Variants in EYS observed in about 807,000 individuals in gnomAD.
The protein encoded by EYS is protein eyes shut homolog.
Under a neutral mutation model 282.1 loss-of-function variants are expected in EYS, and 250 were observed. The ratio of observed to expected loss-of-function variants is 0.89; its 90% CI spans 0.80 to 0.98. The LOEUF is 0.98. Among genes scored for constraint, EYS ranks in the 50% least tolerant of loss-of-function variants. The pLI, the probability that EYS is intolerant of heterozygous loss-of-function variation, is 0.00. For missense variants in EYS, 4,016 were observed against 3,709.0 expected (o/e 1.08, Z -2.15); for synonymous variants, 1,355 against 1,282.9 (o/e 1.06, Z -1.20).
intron 11 of EYS, among the ~76,000 whole-genome samples, chr6:65,328,034 T>A (rs1397650160): frequency 6.6e-6 from 1 of 151,440 alleles, no homozygotes; most frequent in Admixed American, 6.6e-5. Flanking sequence ...GAAATTCAGA[T>A]CTAGGCTTAG....
chr6:65,580,380 A>G (rs1056769439), intron 2 of EYS, among the ~76,000 whole-genome samples: 2 of 152,150 alleles, frequency 1.3e-5, no homozygotes, highest in Non-Finnish European at 2.9e-5. Context: ...TTTAGAATCC[A>G]AACAGAACTC....
chr6:63,751,479 G>T (rs1159372648), intron 41 of EYS, among the ~76,000 whole-genome samples: 1 of 151,988 alleles, frequency 6.6e-6, no homozygotes, highest in African/African-American at 2.4e-5. Flanking sequence ...TTTTATGTTG[G>T]CTTGTAAGCT....
At chr6:65,526,417 T>C (rs1767566330) in intron 2 of EYS, among the ~76,000 whole-genome samples, 1 of 152,206 alleles carries the variant, frequency 6.6e-6, no homozygotes, top group South Asian at 2.1e-4. Flanking sequence ...ATCACTCTTC[T>C]TATCTCTCAT....
At chr6:65,558,820 G>A (rs949406624) in intron 2 of EYS, among the ~76,000 whole-genome samples, 3 of 152,096 alleles carry the variant, frequency 2.0e-5, no homozygotes, top group African/African-American at 7.2e-5. Flanking sequence ...TTCTAACAAT[G>A]TCAAATCTAG....
At chr6:65,413,666 T>C (rs529164820) in intron 5 of EYS, among the ~76,000 whole-genome samples, 17 of 152,120 alleles carry the variant, frequency 1.1e-4, no homozygotes, top group African/African-American at 3.6e-4. Context: ...GAGACCAGCC[T>C]GGCCAATATG....
chr6:65,672,481 A>T (rs867848701), intron 1 of EYS, among the ~76,000 whole-genome samples: 15 of 152,136 alleles, frequency 9.9e-5, no homozygotes, highest in African/African-American at 3.4e-4. Flanking sequence ...TTCAAGAAAA[A>T]CTTTCCCTGT....
At chr6:64,655,056 C>G (rs144766844) in intron 22 of EYS, among the ~76,000 whole-genome samples, 1 of 152,040 alleles carries the variant, frequency 6.6e-6, no homozygotes, top group Non-Finnish European at 1.5e-5. Context: ...AAATTAAAAA[C>G]GTGAAAAAAA....
intron 12 of EYS, among the ~76,000 whole-genome samples, chr6:65,061,514 G>A (rs940428650): frequency 1.3e-5 from 2 of 151,802 alleles, no homozygotes; most frequent in African/African-American, 4.8e-5. Flanking sequence ...GGAGACATTT[G>A]TGACAACTGA....
In EYS at chr6:64,126,784, T is replaced by C. The variant is rs1317118296; in HGVS notation, c.6425-44782A>G. On this transcript the variant is annotated intron_variant, in intron 31 of 42. Transcript: ENST00000503581. ...AACAACTGATGGTAATAATTGCATG[T>C]TTATATATTTACATATATTTAAAAA... Among the ~76,000 whole-genome samples, 7 of 151,950 alleles carry C rather than the reference T, an allele frequency of 4.6e-5. No individual in the cohort carries two copies. The East Asian group carries it at 1.2e-3, about 25-fold the overall frequency.
intron 31 of EYS, among the ~76,000 whole-genome samples, chr6:64,126,174 T>C (rs1426105730): frequency 6.6e-6 from 1 of 152,042 alleles, no homozygotes; most frequent in East Asian, 1.9e-4. Flanking sequence ...GAACTAGAAA[T>C]ACCATTTGAC....
At chr6:64,843,583 C>A (rs2150036484) in intron 19 of EYS, among the ~76,000 whole-genome samples, 1 of 152,242 alleles carries the variant, frequency 6.6e-6, no homozygotes, top group African/African-American at 2.4e-5. Context: ...TTGCTTTGGC[C>A]AATTTCTCCC....
chr6:63,831,289 AAGACCCATCAGTGTGCTGTACTCAGG>A (rs1771629611), intron 36 of EYS, among the ~76,000 whole-genome samples: 1 of 152,200 alleles, frequency 6.6e-6, no homozygotes, highest in African/African-American at 2.4e-5. Context: ...ATAAAGAGTC[AAGACCCATCAGTGTGCTGTACTCAGG>A]AGACCCATCT....
At chr6:65,441,629 A>T (rs1768332516) in intron 5 of EYS, among the ~76,000 whole-genome samples, 1 of 152,218 alleles carries the variant, frequency 6.6e-6, no homozygotes, top group East Asian at 1.9e-4. Context: ...GAACACAGGA[A>T]CTTTTCCTTA....
At chr6:65,451,699 C>T (rs1764403525) in intron 5 of EYS, among the ~76,000 whole-genome samples, 3 of 151,806 alleles carry the variant, frequency 2.0e-5, no homozygotes, top group South Asian at 4.1e-4. Context: ...GTATGAAACA[C>T]ACTGTTTTTT....
chr6:64,337,416 C>T (rs1770896558), intron 29 of EYS, among the ~76,000 whole-genome samples: 2 of 151,994 alleles, frequency 1.3e-5, no homozygotes, highest in African/African-American at 4.8e-5. Flanking sequence ...TACAATGCTC[C>T]TAGCTTAAAT....
rs1769210415 is a variant in EYS, at chr6:65,564,821, A to G, written c.-332-68828T>C. The stretch of plus-strand genomic sequence containing the variant: ...GAGCTTCTGCACAGCAAAAGAAACG[A>G]TCATCACAGTGAACAGGCAACCCAC... On this transcript the variant is annotated intron_variant, in intron 2 of 42. Transcript: ENST00000503581. Among the ~76,000 whole-genome samples the G allele has an allele frequency of 3.3e-5, 5 of 152,072 alleles. No individual in the cohort carries two copies. The South Asian group carries it at 1.0e-3, about 31-fold the overall frequency.
At chr6:63,840,780 T>C (rs1771935336) in intron 36 of EYS, among the ~76,000 whole-genome samples, 2 of 152,272 alleles carry the variant, frequency 1.3e-5, no homozygotes, top group South Asian at 4.2e-4. Flanking sequence ...CCCAGCACCA[T>C]TTATTGAAGA....
chr6:65,026,193 C>T (rs914760975), intron 13 of EYS, among the ~76,000 whole-genome samples: 9 of 152,096 alleles, frequency 5.9e-5, no homozygotes, highest in Admixed American at 3.9e-4. Flanking sequence ...TATATTAACT[C>T]TATCCACTGT....
chr6:63,987,968 T>C (rs2149794468), intron 34 of EYS, among the ~76,000 whole-genome samples: 1 of 151,748 alleles, frequency 6.6e-6, no homozygotes, highest in Admixed American at 6.6e-5. Flanking sequence ...ATATTGTTCT[T>C]TTTAAAAGAC....
Sources: gnomAD v4.1 joint callset for allele counts (sites outside exome capture counted in the v4.1 genomes callset) on GRCh38, gnomAD v4.1.1 for gene constraint, MANE v1.5 for transcripts, NCBI Gene and HGNC (gene_info 2026-07-23, HGNC 2026-07-21) for gene names.